Variants in KSR1 observed in about 807,000 individuals in gnomAD.
KSR1 encodes the protein kinase suppressor of ras 1.
KSR1 carries 35 observed loss-of-function variants against 92.9 expected under a neutral mutation model. The ratio of observed to expected loss-of-function variants is 0.38; its 90% CI spans 0.29 to 0.50. KSR1 has a LOEUF of 0.50. KSR1 is among the 20% of genes least tolerant of loss of function. KSR1 has a pLI of 0.94. For missense variants in KSR1, 972 were observed against 1,158.5 expected (o/e 0.84, Z 2.34); for synonymous variants, 467 against 472.6 (o/e 0.99, Z 0.15).
At position 27,623,817 on chromosome 17, in the gene KSR1, G is replaced by A. The variant is rs2074286625; in HGVS notation, c.*425G>A. ...CATGGTAATTGCAGCTGTTCTTGGGGTAGGGCGGGGAGCCCAGAAGGTCTG... is the reference window on the plus strand; with the variant it reads ...CATGGTAATTGCAGCTGTTCTTGGGATAGGGCGGGGAGCCCAGAAGGTCTG... On this transcript the variant is annotated 3_prime_UTR_variant, in exon 21 of 21. Transcript: ENST00000644974. The A allele has an allele frequency of 3.8e-6, 2 of 531,882 alleles. No individual in the cohort carries two copies. Among genetic ancestry groups the A allele is most frequent in the Non-Finnish European group, 6.5e-6 (2 of 308,502 alleles). The allele number at this position is 531,882 out of a possible 1,614,324, so 32.9% of individuals were successfully genotyped here. A position where few individuals can be genotyped will look rare whatever the true frequency, so the allele number is the denominator to read the frequency against.
intron 1 of KSR1, among the ~76,000 whole-genome samples, chr17:27,496,455 T>A (rs2068988858): frequency 1.3e-5 from 2 of 152,224 alleles, no homozygotes; most frequent in Non-Finnish European, 2.9e-5. Context: ...TGCTGGCTGA[T>A]TCTGCCTGAT....
At position 27,456,616 on chromosome 17, in the gene KSR1, T is replaced by G. The variant is rs1413068612; in HGVS notation, c.-28T>G. 2.1e-6 allele frequency: 1 copy of G among 475,910 alleles called. No homozygotes were observed. The highest frequency in any genetic ancestry group is 2.1e-5 in the African/African-American group (1 of 48,160). 29.5% of individuals were successfully genotyped at this position (475,910 alleles called of 1,614,324 possible). A position where few individuals can be genotyped will look rare whatever the true frequency, so the allele number is the denominator to read the frequency against. On this transcript the variant is annotated 5_prime_UTR_variant, in exon 1 of 21. Transcript: ENST00000644974. ...GCGCCCGCGCCCCGGGCTCCCAGCC[T>G]CGGCCGCCGCGGCCCCGATGCCGAG... is the stretch of plus-strand genomic sequence containing the variant.
chr17:27,623,108 G>T, intron 20 of KSR1: 3 of 596,590 alleles, frequency 5.0e-6, no homozygotes, highest in Admixed American at 6.1e-5. Context: ...CACCGTTGCT[G>T]CTCCAAGTAG....
At chr17:27,541,544 C>T (rs1375640904) in intron 1 of KSR1, among the ~76,000 whole-genome samples, 21 of 152,180 alleles carry the variant, frequency 1.4e-4, no homozygotes, top group South Asian at 6.2e-4. Flanking sequence ...CTGCCTGGAA[C>T]AGTCTAGGCG....
chr17:27,625,634 C>T lies in KSR1; in HGVS notation c.*2242C>T, dbSNP rs2074324992. 1 of 152,194 alleles carries T rather than the reference C, an allele frequency of 6.6e-6. No homozygotes were observed. The highest frequency in any genetic ancestry group is 6.5e-5 in the Admixed American group (1 of 15,282). The allele number at this position is 152,194 out of a possible 1,614,324, so 9.4% of individuals were successfully genotyped here. On this transcript the variant is annotated 3_prime_UTR_variant, in exon 21 of 21. Coordinates refer to ENST00000644974, the MANE Select transcript of KSR1 (RefSeq NM_001394583.1). ...ACCCCATGATGGCCCCCTCTGTTCCCCTTGTATTTCAGTGACTGTGAATTG... is the reference window on the plus strand; with the variant it reads ...ACCCCATGATGGCCCCCTCTGTTCCTCTTGTATTTCAGTGACTGTGAATTG...
In KSR1 at chr17:27,610,330, T is replaced by C. The variant is rs1018571314; in HGVS notation, c.2357+132T>C. 53 of 1,246,392 alleles carry C rather than the reference T, an allele frequency of 4.3e-5. No homozygotes were observed. In the Admixed American group the frequency reaches 1.2e-3, roughly 27 times the overall value. 77.2% of individuals were successfully genotyped at this position (1,246,392 alleles called of 1,614,324 possible). A position where few individuals can be genotyped will look rare whatever the true frequency, so the allele number is the denominator to read the frequency against. ...TCTGGAGTAAAAAATCAACCTTGAG[T>C]CCTGGCTCTGCCGCTTGTTGAGTGC... On this transcript the variant is annotated intron_variant, in intron 17 of 20. Coordinates refer to ENST00000644974, the MANE Select transcript of KSR1 (RefSeq NM_001394583.1).
intron 1 of KSR1, among the ~76,000 whole-genome samples, chr17:27,505,179 C>G (rs113726674): frequency 4.9e-4 from 75 of 152,130 alleles, no homozygotes; most frequent in Non-Finnish European, 8.2e-4. Context: ...GAGGATAGTC[C>G]GTTTGAATCC....
Position 27,610,218 on chromosome 17 carries a change from C to T in KSR1, c.2357+20C>T. ...ATTTGGGTGAGTAGGCCCCTGGTGC[C>T]CTGAGGCCAAGTGTGGCCAAAACAG... On this transcript the variant is annotated intron_variant, in intron 17 of 20. Transcript: ENST00000644974. 1 of 1,613,510 alleles carries T rather than the reference C, an allele frequency of 6.2e-7. No individual in the cohort carries two copies. The highest frequency in any genetic ancestry group is 8.5e-7 in the Non-Finnish European group (1 of 1,179,550).
chr17:27,510,435 C>T (rs2069558400), intron 1 of KSR1, among the ~76,000 whole-genome samples: 1 of 152,048 alleles, frequency 6.6e-6, no homozygotes, highest in South Asian at 2.1e-4. Context: ...GGCTTGGTTG[C>T]CAATAAAGCA....
chr17:27,497,989 GTGCA>G (rs972221962), intron 1 of KSR1, among the ~76,000 whole-genome samples: 4 of 152,212 alleles, frequency 2.6e-5, no homozygotes, highest in Admixed American at 2.0e-4. Flanking sequence ...GTGTGTGCAT[GTGCA>G]TACTGTTTTT....
chr17:27,465,397 A>G (rs1319199829), intron 1 of KSR1: 1 of 152,100 alleles, frequency 6.6e-6, no homozygotes, highest in Non-Finnish European at 1.5e-5. Flanking sequence ...ATTTGTGTTT[A>G]AGGCCGGGCA....
chr17:27,570,619 A>G (rs889778264), intron 2 of KSR1, among the ~76,000 whole-genome samples: 13 of 152,024 alleles, frequency 8.6e-5, no homozygotes, highest in South Asian at 6.2e-4. Context: ...GTGAGCCCCT[A>G]TTTGCTTTGT....
chr17:27,590,839 G>A lies in KSR1; in HGVS notation c.1075G>A (p.Val359Ile). ...CTCCACCAAGTCCTGGCTGTCGCAG[G>A]TCTGCCACGTGTGCCAGAAGAGCAT... The part of the protein sequence containing the change: ...RFSTKSWLSQ[V>I]CHVCQKSMIF... The change falls in exon 7 of 21, where the codon GTC becomes ATC. Residue 359 changes from valine (V) to isoleucine (I), a missense_variant. By Grantham distance (29) the Val-to-Ile change is conservative. Coordinates refer to ENST00000644974, the MANE Select transcript of KSR1 (RefSeq NM_001394583.1). The A allele has an allele frequency of 6.2e-7, 1 of 1,611,898 alleles. No homozygotes were observed. Among genetic ancestry groups the A allele is most frequent in the Non-Finnish European group, 8.5e-7 (1 of 1,179,194 alleles).
intron 1 of KSR1, among the ~76,000 whole-genome samples, chr17:27,488,667 A>G (rs539203350): frequency 9.2e-5 from 14 of 152,310 alleles, no homozygotes; most frequent in African/African-American, 3.1e-4. Flanking sequence ...CCCTGTCTCT[A>G]TTAAAAAATA....
intron 6 of KSR1, 108 bp downstream of exon 6, chr17:27,588,643 G>T: frequency 2.0e-6 from 2 of 1,007,862 alleles, no homozygotes; most frequent in Non-Finnish European, 2.8e-6. Context: ...CCTCTGACGG[G>T]CCTGTCCATT....
At chr17:27,512,994 T>A (rs1291338647) in intron 1 of KSR1, among the ~76,000 whole-genome samples, 2 of 152,194 alleles carry the variant, frequency 1.3e-5, no homozygotes, top group African/African-American at 4.8e-5. Context: ...AGCTTGACTT[T>A]AGTAGTAGTT....
chr17:27,544,269 T>C (rs979458824), intron 1 of KSR1, among the ~76,000 whole-genome samples: 2 of 152,308 alleles, frequency 1.3e-5, no homozygotes, highest in African/African-American at 2.4e-5. Context: ...CTCCTAGGTA[T>C]GGCTGGATAG....
At position 27,601,352 on chromosome 17, in the gene KSR1, G is replaced by T. The variant is rs781770281; in HGVS notation, c.1469-8G>T. 10 of 1,612,990 alleles carry T rather than the reference G, an allele frequency of 6.2e-6. No homozygotes were observed. The highest frequency in any genetic ancestry group is 8.5e-6 in the Non-Finnish European group (10 of 1,179,056). ...GTGTGTGTGACTCACCTCCTCTTCT[G>T]TTTAAAGCTGCCTACTTCATTCATC... On this transcript the variant is annotated splice_polypyrimidine_tract_variant and splice_region_variant and intron_variant, in intron 10 of 20. Coordinates refer to ENST00000644974, the MANE Select transcript of KSR1 (RefSeq NM_001394583.1).
At chr17:27,592,776 T>C in intron 9 of KSR1, 150 bp downstream of exon 9, 2 of 639,358 alleles carry the variant, frequency 3.1e-6, no homozygotes, top group South Asian at 3.9e-5. Context: ...GATCATATCT[T>C]GAGCCACTAG....
Sources: allele counts gnomAD v4.1 joint callset (sites outside exome capture counted in the v4.1 genomes callset), GRCh38; gene constraint gnomAD v4.1.1; transcripts MANE v1.5; gene names NCBI Gene and HGNC (gene_info 2026-07-23, HGNC 2026-07-21).